GRID1: variants seen among roughly 807,000 people sequenced by gnomAD.
The protein encoded by GRID1 is glutamate receptor ionotropic, delta-1.
Under a neutral mutation model 98.0 loss-of-function variants are expected in GRID1, and 28 were observed. That is an observed-to-expected ratio of 0.29 (90% CI 0.21 to 0.39). The LOEUF (loss-of-function observed/expected upper bound fraction) is 0.39, where lower values mean the gene tolerates loss of function less well. Among genes scored for constraint, GRID1 ranks in the 10% least tolerant of loss-of-function variants. The pLI is 1.00. For missense variants in GRID1, 1,111 were observed against 1,340.5 expected, an observed-to-expected ratio of 0.83 and a Z score of 2.67; for synonymous variants, 553 against 538.5, an observed-to-expected ratio of 1.03 and a Z score of -0.37.
chr10:86,101,622 TTTC>T (rs1844297114), intron 4 of GRID1, among the ~76,000 whole-genome samples: 2 of 150,876 alleles, frequency 1.3e-5, no homozygotes, highest in African/African-American at 4.9e-5. Flanking sequence ...CTGGTTTGTT[TTTC>T]ATTATTCCTT....
At chr10:85,895,330 G>A (rs76740126) in intron 5 of GRID1, among the ~76,000 whole-genome samples, 7,668 of 151,704 alleles carry the variant, frequency 0.051, 270 homozygotes, top group Non-Finnish European at 0.072. Context: ...TCTTCAACAC[G>A]GATGTCAGGG....
chr10:85,927,548 A>G (rs541608348), intron 4 of GRID1, among the ~76,000 whole-genome samples: 2 of 152,186 alleles, frequency 1.3e-5, no homozygotes, highest in African/African-American at 4.8e-5. Context: ...TTGGAGATAT[A>G]CTGCACTTAT....
At chr10:86,272,332 C>T (rs561466591) in intron 2 of GRID1, among the ~76,000 whole-genome samples, 49 of 152,268 alleles carry the variant, frequency 3.2e-4, no homozygotes, top group Admixed American at 1.1e-3. Context: ...CAAAGGTTTA[C>T]AGCAACCAAG....
intron 4 of GRID1, among the ~76,000 whole-genome samples, chr10:86,061,111 G>T (rs1352397659): frequency 2.0e-5 from 3 of 152,026 alleles, no homozygotes; most frequent in African/African-American, 7.2e-5. Context: ...CACCTCCTGG[G>T]GGTACTCTAC....
rs79718068 is a variant in GRID1, at chr10:85,885,317, T to G, written c.781-16137A>C. On this transcript the variant is annotated intron_variant, in intron 5 of 15. Transcript: ENST00000327946. Reference sequence around the variant, plus strand: ...ACTAAGGAAGGGGATAAGATGTGATTTCCCCTGTTCAGAGGAACATGTATA... The same window carrying G: ...ACTAAGGAAGGGGATAAGATGTGATGTCCCCTGTTCAGAGGAACATGTATA... Among the ~76,000 whole-genome samples, 343 of 152,306 alleles carry G rather than the reference T, an allele frequency of 2.3e-3. 1 individual carries two copies. The highest frequency in any genetic ancestry group is 7.5e-3 in the African/African-American group (312 of 41,582).
At chr10:86,006,804 A>T (rs1289878858) in intron 4 of GRID1, among the ~76,000 whole-genome samples, 8 of 77,646 alleles carry the variant, frequency 1.0e-4, no homozygotes, top group African/African-American at 2.5e-4. Flanking sequence ...GAAGACAATT[A>T]AAAAAAAAAA....
chr10:86,274,150 C>A (rs570285622), intron 2 of GRID1, among the ~76,000 whole-genome samples: 1 of 152,148 alleles, frequency 6.6e-6, no homozygotes, highest in African/African-American at 2.4e-5. Flanking sequence ...GTTTTCCCAG[C>A]ACCATTTATT....
intron 14 of GRID1, 78 bp downstream of exon 14, chr10:85,619,789 T>C: frequency 1.8e-6 from 2 of 1,111,518 alleles, no homozygotes; most frequent in Admixed American, 2.1e-5. Context: ...TTGGCTCTTA[T>C]CTTCTAAGAG....
chr10:85,928,031 AG>A (rs1288948358), intron 4 of GRID1, among the ~76,000 whole-genome samples: 1 of 152,226 alleles, frequency 6.6e-6, no homozygotes, highest in Non-Finnish European at 1.5e-5. Flanking sequence ...GTAAGGTACA[AG>A]GAGAAAAAGG....
At chr10:86,112,161 C>T (rs1379466787) in intron 4 of GRID1, among the ~76,000 whole-genome samples, 1 of 152,128 alleles carries the variant, frequency 6.6e-6, no homozygotes, top group Non-Finnish European at 1.5e-5. Context: ...TGACTAGGGA[C>T]AGGGGACACA....
intron 8 of GRID1, among the ~76,000 whole-genome samples, chr10:85,752,516 G>T (rs1203118723): frequency 1.3e-5 from 2 of 152,084 alleles, no homozygotes; most frequent in Non-Finnish European, 2.9e-5. Context: ...GATAAATTTT[G>T]TTAAATGTCT....
intron 2 of GRID1, among the ~76,000 whole-genome samples, chr10:86,351,807 A>G (rs1377929732): frequency 6.6e-6 from 1 of 152,226 alleles, no homozygotes; most frequent in Non-Finnish European, 1.5e-5. Context: ...CATGAGAACA[A>G]TAACTGTAGC....
chr10:85,623,488 C>A (rs563954347), intron 13 of GRID1, among the ~76,000 whole-genome samples: 2 of 152,276 alleles, frequency 1.3e-5, no homozygotes, highest in East Asian at 3.9e-4. Context: ...ATGAATTCAC[C>A]CCCTTATTCT....
chr10:85,911,369 C>A (rs1268554697), intron 5 of GRID1, among the ~76,000 whole-genome samples: 1 of 152,078 alleles, frequency 6.6e-6, no homozygotes, highest in Non-Finnish European at 1.5e-5. Context: ...TTGAGTCAAG[C>A]TGGATCTCTG....
At chr10:85,710,282 C>A (rs1426176437) in intron 12 of GRID1, among the ~76,000 whole-genome samples, 1 of 152,012 alleles carries the variant, frequency 6.6e-6, no homozygotes, top group East Asian at 1.9e-4. Flanking sequence ...ATATATAGAC[C>A]AGTGGAATAG....
At chr10:86,178,578 C>A (rs1246704684) in intron 3 of GRID1, among the ~76,000 whole-genome samples, 1 of 152,228 alleles carries the variant, frequency 6.6e-6, no homozygotes, top group African/African-American at 2.4e-5. Flanking sequence ...AGCCCATGCG[C>A]CACCTCCAGA....
At position 86,192,882 on chromosome 10, in the gene GRID1, C is replaced by T. The variant is rs1845825351; in HGVS notation, c.520+13482G>A. ...GGCCCCACAGTGAGGATGCAGCCTCCCAGAGCCTGAGTCCCAGGCCTAAGG... is the reference window on the plus strand; with the variant it reads ...GGCCCCACAGTGAGGATGCAGCCTCTCAGAGCCTGAGTCCCAGGCCTAAGG... On this transcript the variant is annotated intron_variant, in intron 3 of 15. Coordinates refer to ENST00000327946, the MANE Select transcript of GRID1 (RefSeq NM_017551.3). The surrounding 1 kb of genome is among the most constrained non-coding windows in gnomAD (Gnocchi z 4.8). Among the ~76,000 whole-genome samples, 1 of 151,922 alleles carries T rather than the reference C, an allele frequency of 6.6e-6. No homozygotes were observed. The highest frequency in any genetic ancestry group is 1.5e-5 in the Non-Finnish European group (1 of 67,892).
chr10:86,031,862 C>T (rs1027503257), intron 4 of GRID1, among the ~76,000 whole-genome samples: 12 of 152,200 alleles, frequency 7.9e-5, no homozygotes, highest in African/African-American at 2.4e-4. Flanking sequence ...ATGGCAAATA[C>T]ACCCCTGCTC....
chr10:86,262,595 C>G (rs1847032911), intron 2 of GRID1, among the ~76,000 whole-genome samples: 1 of 152,196 alleles, frequency 6.6e-6, no homozygotes, highest in Non-Finnish European at 1.5e-5. Context: ...TCTCTTATTA[C>G]GTGCTCTGGA....
Sources: gnomAD v4.1 joint callset for allele counts (sites outside exome capture counted in the v4.1 genomes callset) on GRCh38, gnomAD v4.1.1 for gene constraint, Gnocchi (gnomAD v3.1) non-coding constraint, MANE v1.5 for transcripts, NCBI Gene and HGNC (gene_info 2026-07-23, HGNC 2026-07-21) for gene names.